The following POLE4 variants were observed in gnomAD, a reference collection of about 807,000 sequenced individuals.
POLE4 encodes DNA polymerase epsilon 4, accessory subunit, also known as DNA polymerase epsilon subunit 4.
Under a neutral mutation model 15.6 loss-of-function variants are expected in POLE4, and 15 were observed. That is an observed-to-expected ratio of 0.96 (90% CI 0.64 to 1.48). The LOEUF is 1.48. Among genes scored for constraint, POLE4 ranks in the 40% most tolerant of loss-of-function variants. The pLI is 0.00. For missense variants in POLE4, 205 were observed against 151.9 expected, an observed-to-expected ratio of 1.35 and a Z score of -1.84; for synonymous variants, 83 against 63.2, an observed-to-expected ratio of 1.31 and a Z score of -1.49.
chr2:74,964,419 A>G (rs1197988224), intron 3 of POLE4, among the ~76,000 whole-genome samples: 1 of 152,202 alleles, frequency 6.6e-6, no homozygotes, highest in Non-Finnish European at 1.5e-5. Context: ...GGAAGAAACG[A>G]TATCTTTACA....
chr2:74,961,517 T>C (rs1395162200), intron 3 of POLE4: 6 of 152,246 alleles, frequency 3.9e-5, no homozygotes, highest in Non-Finnish European at 1.5e-5. Context: ...CTTTACCTCT[T>C]CATTTTTAAT....
At chr2:74,959,285 TC>T in intron 1 of POLE4, 55 bp from the exon 2 acceptor site, 1 of 1,167,012 alleles carries the variant, frequency 8.6e-7, no homozygotes, top group Non-Finnish European at 1.3e-6. Flanking sequence ...ACCGGAGCCC[TC>T]ACCTCCTCAG....
intron 3 of POLE4, among the ~76,000 whole-genome samples, chr2:74,965,606 C>T (rs1203051035): frequency 6.6e-6 from 1 of 152,140 alleles, no homozygotes; most frequent in Non-Finnish European, 1.5e-5. Context: ...TAAAACTCTA[C>T]TGCTATGATT....
intron 3 of POLE4, among the ~76,000 whole-genome samples, chr2:74,962,451 A>G (rs1398730545): frequency 1.3e-5 from 2 of 152,164 alleles, no homozygotes; most frequent in African/African-American, 4.8e-5. Flanking sequence ...AGAAGTTGAA[A>G]ACTAGGACTG....
chr2:74,960,537 G>A, intron 3 of POLE4: 2 of 492,726 alleles, frequency 4.1e-6, no homozygotes, highest in Non-Finnish European at 4.0e-6. Flanking sequence ...TCAACAATCT[G>A]TGTGAAGTGA....
chr2:74,968,246 AT>A (rs1010708445), intron 3 of POLE4, among the ~76,000 whole-genome samples: 4 of 149,058 alleles, frequency 2.7e-5, no homozygotes, highest in African/African-American at 4.9e-5. Flanking sequence ...AAGCACCTCT[AT>A]TTTTTTTTAA....
chr2:74,959,485 G>T, intron 2 of POLE4, 60 bp downstream of exon 2: 2 of 1,124,136 alleles, frequency 1.8e-6, no homozygotes, highest in Admixed American at 1.8e-5. Context: ...GTTTCCCCTT[G>T]TGCAGGTTGA....
chr2:74,961,921 T>C (rs1164022833), intron 3 of POLE4, among the ~76,000 whole-genome samples: 1 of 152,232 alleles, frequency 6.6e-6, no homozygotes, highest in African/African-American at 2.4e-5. Flanking sequence ...ATACATTTTT[T>C]TCGTTTTTAT....
At chr2:74,960,619 A>C in intron 3 of POLE4, 1 of 487,568 alleles carries the variant, frequency 2.1e-6, no homozygotes, top group South Asian at 1.5e-5. Context: ...GTACTAACTA[A>C]ATTTTGTCAT....
At position 74,960,074 on chromosome 2, in the gene POLE4, TAGTC is replaced by T. The variant is rs780361319; in HGVS notation, c.299-28_299-25del. The T allele has an allele frequency of 2.5e-6, 4 of 1,606,160 alleles. No homozygotes were observed. In the South Asian group the frequency reaches 4.4e-5, roughly 18 times the overall value. ...TGACTGAGGTCAGCATGGCTGAAGT[TAGTC>T]AGGTGTCTCTTTTCCTTGTGTTTCA... On this transcript the variant is annotated intron_variant, in intron 2 of 3. Coordinates refer to ENST00000483063, the MANE Select transcript of POLE4 (RefSeq NM_019896.4).
intron 3 of POLE4, among the ~76,000 whole-genome samples, chr2:74,963,796 G>C (rs1230036230): frequency 6.6e-6 from 1 of 151,952 alleles, no homozygotes; most frequent in Non-Finnish European, 1.5e-5. Flanking sequence ...AGCCGTGCTT[G>C]TTATATTTTA....
At chr2:74,968,717 T>G (rs1005877187) in intron 3 of POLE4, among the ~76,000 whole-genome samples, 3 of 151,730 alleles carry the variant, frequency 2.0e-5, no homozygotes, top group African/African-American at 7.3e-5. Flanking sequence ...GGCAACTGTT[T>G]GTCATACAGA....
intron 3 of POLE4, among the ~76,000 whole-genome samples, chr2:74,965,276 A>G (rs1007677990): frequency 1.3e-5 from 2 of 151,898 alleles, no homozygotes; most frequent in Non-Finnish European, 2.9e-5. Context: ...GTATTTTAGT[A>G]GAGATGGGGT....
At chr2:74,963,281 A>G (rs1338382990) in intron 3 of POLE4, among the ~76,000 whole-genome samples, 2 of 152,142 alleles carry the variant, frequency 1.3e-5, no homozygotes, top group Non-Finnish European at 2.9e-5. Flanking sequence ...TCTTACCCAC[A>G]CTTGGTATTA....
chr2:74,966,180 T>G (rs1335177270), intron 3 of POLE4, among the ~76,000 whole-genome samples: 8 of 152,166 alleles, frequency 5.3e-5, no homozygotes, highest in Non-Finnish European at 1.0e-4. Context: ...AGTCCTTAAT[T>G]TATCAAAGCC....
chr2:74,962,520 T>C (rs913712278), intron 3 of POLE4, among the ~76,000 whole-genome samples: 3 of 152,224 alleles, frequency 2.0e-5, no homozygotes, highest in African/African-American at 7.2e-5. Flanking sequence ...GTCCCCTCCC[T>C]GCAAACAACT....
chr2:74,959,596 T>C, intron 2 of POLE4, 171 bp downstream of exon 2: 2 of 568,686 alleles, frequency 3.5e-6, no homozygotes, highest in Non-Finnish European at 6.3e-6. Flanking sequence ...GGCTGTCTGC[T>C]TGGGGTGGCG....
intron 3 of POLE4, among the ~76,000 whole-genome samples, chr2:74,968,058 T>G (rs117095958): frequency 6.6e-6 from 1 of 152,210 alleles, no homozygotes; most frequent in Non-Finnish European, 1.5e-5. Flanking sequence ...TTTTTCAGAT[T>G]GGCAGATGTC....
chr2:74,958,713 C>A lies in POLE4; in HGVS notation c.34C>A (p.Pro12Thr). ...AAAAAAGSGT[P>T]REEEGPAGEA... is the part of the protein sequence containing the mutation. ...GGCGGCGGCGGCAGGAAGCGGGACG[C>A]CCCGAGAGGAGGAGGGACCTGCTGG... Residue 12 changes from proline (P) to threonine (T), a missense_variant, in exon 1 of 4, where the codon CCC becomes ACC. Transcript: ENST00000483063. 1 of 1,491,992 alleles carries A rather than the reference C, an allele frequency of 6.7e-7. No homozygotes were observed. The highest frequency in any genetic ancestry group is 8.9e-7 in the Non-Finnish European group (1 of 1,124,606). The allele number at this position is 1,491,992 out of a possible 1,614,324, so 92.4% of individuals were successfully genotyped here. A position where few individuals can be genotyped will look rare whatever the true frequency, so the allele number is the denominator to read the frequency against.
Sources: gnomAD v4.1 joint callset for allele counts (sites outside exome capture counted in the v4.1 genomes callset) on GRCh38, gnomAD v4.1.1 for gene constraint, MANE v1.5 for transcripts, NCBI Gene and HGNC (gene_info 2026-07-23, HGNC 2026-07-21) for gene names.